Variants in FRMPD1 observed in about 807,000 individuals in gnomAD.
FRMPD1 encodes FERM and PDZ domain containing 1, also known as FERM and PDZ domain-containing protein 1.
A neutral mutation model predicts 117.8 loss-of-function variants in FRMPD1; 76 were observed. That is an observed-to-expected ratio of 0.65 (90% CI 0.54 to 0.78). The LOEUF (loss-of-function observed/expected upper bound fraction) is 0.78. FRMPD1 is among the 30% of genes least tolerant of loss of function. The pLI is 0.00. For missense variants in FRMPD1, 1,786 were observed against 1,964.5 expected (o/e 0.91, Z 1.72); for synonymous variants, 783 against 770.4 (o/e 1.02, Z -0.27).
At chr9:37,659,130 T>C (rs1207732540) in intron 1 of FRMPD1, among the ~76,000 whole-genome samples, 1 of 152,222 alleles carries the variant, frequency 6.6e-6, no homozygotes, top group African/African-American at 2.4e-5. Flanking sequence ...CCTCCCAAAG[T>C]GCTGGGATGA....
chr9:37,701,983 A>G (rs1250745281), intron 2 of FRMPD1, among the ~76,000 whole-genome samples: 1 of 152,154 alleles, frequency 6.6e-6, no homozygotes, highest in African/African-American at 2.4e-5. Flanking sequence ...AAAGTCAAGG[A>G]TGACTCTGGG....
At chr9:37,626,991 A>G in the FRMPD1 span, among the ~76,000 whole-genome samples, 2 of 152,108 alleles carry the variant, frequency 1.3e-5, no homozygotes, top group African/African-American at 4.8e-5. Flanking sequence ...TTAATGTAAC[A>G]GAGCTCCACA....
the FRMPD1 span, among the ~76,000 whole-genome samples, chr9:37,633,449 A>G: frequency 1.3e-5 from 2 of 152,230 alleles, no homozygotes; most frequent in African/African-American, 4.8e-5. Flanking sequence ...TTAAGCCCTC[A>G]TAACAACTGG....
chr9:37,726,471 G>T (rs1249323722), intron 7 of FRMPD1, among the ~76,000 whole-genome samples: 1 of 152,144 alleles, frequency 6.6e-6, no homozygotes, highest in African/African-American at 2.4e-5. Context: ...GCCGAAGTGG[G>T]TGGATCAACT....
the FRMPD1 span, among the ~76,000 whole-genome samples, chr9:37,615,806 A>G: frequency 6.6e-6 from 1 of 151,302 alleles, no homozygotes; most frequent in African/African-American, 2.4e-5. Context: ...AAAACACATG[A>G]TCACATCTGT....
chr9:37,720,938 GCA>G (rs367797178), intron 6 of FRMPD1, among the ~76,000 whole-genome samples: 18 of 152,358 alleles, frequency 1.2e-4, no homozygotes, highest in African/African-American at 4.3e-4. Context: ...CAAGAGTCAT[GCA>G]CAGTGATGAG....
chr9:37,722,564 C>G lies in FRMPD1; in HGVS notation c.517-1661C>G, dbSNP rs562169926. Among the ~76,000 whole-genome samples the G allele has an allele frequency of 2.0e-5, 3 of 152,208 alleles. No individual in the cohort carries two copies. The South Asian group carries it at 6.2e-4, about 32-fold the overall frequency. Reference sequence around the variant, plus strand: ...CTGGGACTATGGGTGTGTGCCACCACGCCCGGCTAATTTTTGCATTTTTAG... The same window carrying G: ...CTGGGACTATGGGTGTGTGCCACCAGGCCCGGCTAATTTTTGCATTTTTAG... On this transcript the variant is annotated intron_variant, in intron 6 of 15. Transcript: ENST00000377765.
At chr9:37,696,210 C>T (rs565416352) in intron 2 of FRMPD1, among the ~76,000 whole-genome samples, 1 of 152,004 alleles carries the variant, frequency 6.6e-6, no homozygotes, top group African/African-American at 2.4e-5. Flanking sequence ...ACATCACCTT[C>T]TTTAAGAGGC....
intron 14 of FRMPD1, among the ~76,000 whole-genome samples, chr9:37,737,680 G>A (rs771263691): frequency 2.0e-5 from 3 of 151,966 alleles, no homozygotes; most frequent in Non-Finnish European, 2.9e-5. Context: ...AAAATTAGCC[G>A]AGCATGGTGG....
In FRMPD1 at chr9:37,745,409, A is replaced by G. The variant is rs1367416988; in HGVS notation, c.3377A>G (p.Gln1126Arg). 1 of 1,614,138 alleles carries G rather than the reference A, an allele frequency of 6.2e-7. No individual in the cohort carries two copies. The change falls in exon 16 of 16, where the codon CAG (glutamine) becomes CGG (arginine). Residue 1126 changes from glutamine (Q) to arginine (R), a missense_variant. Gln to Arg is a conservative substitution (Grantham distance 43, BLOSUM62 1). Coordinates refer to ENST00000377765, the MANE Select transcript of FRMPD1 (RefSeq NM_014907.3). ...AACAAAAATGGCACCAACGTATTTC[A>G]GGAGGAGTCTAGGAAGGATTCAGGT... is the stretch of plus-strand genomic sequence containing the variant. ...VTNKNGTNVFQEESRKDSGDS... is the reference protein window; with the variant it reads ...VTNKNGTNVFREESRKDSGDS...
chr9:37,621,225 T>C, the FRMPD1 span, among the ~76,000 whole-genome samples: 361 of 152,314 alleles, frequency 2.4e-3, 1 homozygote, highest in Middle Eastern at 6.8e-3. Flanking sequence ...AATTGTTCAC[T>C]GAATAGATGA....
chr9:37,736,292 C>T (rs1027865980), intron 13 of FRMPD1, among the ~76,000 whole-genome samples: 5 of 151,716 alleles, frequency 3.3e-5, no homozygotes, highest in Admixed American at 2.6e-4. Context: ...TGAGCCACCG[C>T]GCCCGGCCCA....
chr9:37,707,655 A>G (rs1822763093), intron 3 of FRMPD1, 82 bp downstream of exon 3: 14 of 1,159,666 alleles, frequency 1.2e-5, no homozygotes, highest in Non-Finnish European at 1.6e-5. Flanking sequence ...TCTCTATCCT[A>G]TAACAAAATG....
At chr9:37,731,791 T>C (rs1823894333) in intron 9 of FRMPD1, among the ~76,000 whole-genome samples, 1 of 151,948 alleles carries the variant, frequency 6.6e-6, no homozygotes, top group Admixed American at 6.6e-5. Flanking sequence ...GAGAATCACT[T>C]GAACCTTGGA....
rs1824329792 is a variant in FRMPD1, at chr9:37,740,337, T to C, written c.1809T>C (p.Ser603=). Residue 603 remains serine (S), a synonymous_variant, in exon 15 of 16, where the codon AGT becomes AGC. Transcript: ENST00000377765. This position sits in a 1 kb window ranked among gnomAD's most constrained non-coding sequence, Gnocchi z 4.2. ...CTGAGAGCCGCGGCTACAGGACCAG[T>C]GGCTCGAGTGAGTCCATGGACGCTC... ...ANTESRGYRT[S]GSSESMDALE... The C allele has an allele frequency of 6.2e-7, 1 of 1,613,646 alleles. No individual in the cohort carries two copies. The highest frequency in any genetic ancestry group is 8.5e-7 in the Non-Finnish European group (1 of 1,179,952).
At chr9:37,622,983 A>T in the FRMPD1 span, among the ~76,000 whole-genome samples, 1 of 152,220 alleles carries the variant, frequency 6.6e-6, no homozygotes, top group Non-Finnish European at 1.5e-5. Flanking sequence ...GGATCTTTTT[A>T]AAAATGACAT....
chr9:37,610,423 C>CTTTATTTTAT, the FRMPD1 span, among the ~76,000 whole-genome samples: 1,640 of 151,986 alleles, frequency 0.011, 36 homozygotes, highest in African/African-American at 0.037. Context: ...ACTTGCTTGA[C>CTTTATTTTAT]TTTATTTTAT....
chr9:37,636,907 C>T, the FRMPD1 span: 1 of 1,609,916 alleles, frequency 6.2e-7, no homozygotes, highest in Non-Finnish European at 8.5e-7. Flanking sequence ...TGTCCACCAC[C>T]TTCTTGGTGG....
intron 1 of FRMPD1, among the ~76,000 whole-genome samples, chr9:37,664,299 A>ATGTG (rs910924625): frequency 2.0e-5 from 3 of 148,498 alleles, no homozygotes; most frequent in African/African-American, 7.7e-5. Context: ...GTATGTATGT[A>ATGTG]TGTATGTATT....
Sources: gnomAD v4.1 joint callset for allele counts (sites outside exome capture counted in the v4.1 genomes callset) on GRCh38, gnomAD v4.1.1 for gene constraint, Gnocchi (gnomAD v3.1) non-coding constraint, MANE v1.5 for transcripts, NCBI Gene and HGNC (gene_info 2026-07-23, HGNC 2026-07-21) for gene names.